Variants in INPP4B observed in about 807,000 individuals in gnomAD.
INPP4B encodes inositol polyphosphate-4-phosphatase type II B.
A neutral mutation model predicts 122.5 loss-of-function variants in INPP4B; 55 were observed. The observed-to-expected ratio is 0.45, with a 90% confidence interval of 0.36 to 0.56. The LOEUF (loss-of-function observed/expected upper bound fraction) is 0.56, where lower values mean the gene tolerates loss of function less well. Ranked by LOEUF, INPP4B falls within the 20% of genes least tolerant of loss-of-function variation. INPP4B has a pLI of 0.00. For synonymous variants in INPP4B, 403 were observed against 388.7 expected (o/e 1.04, Z -0.43); for missense variants, 1,000 against 1,097.7 (o/e 0.91, Z 1.26).
chr4:142,292,364 C>T (rs1284052500), intron 9 of INPP4B, among the ~76,000 whole-genome samples: 2 of 152,142 alleles, frequency 1.3e-5, no homozygotes, highest in Non-Finnish European at 1.5e-5. Flanking sequence ...GTCATAGAAG[C>T]AATTCATTTT....
At chr4:142,532,405 G>C (rs778186794) in intron 2 of INPP4B, among the ~76,000 whole-genome samples, 6 of 152,022 alleles carry the variant, frequency 3.9e-5, no homozygotes, top group African/African-American at 1.2e-4. Flanking sequence ...GTCTCTGGTC[G>C]TTCTGCTTTA....
intron 9 of INPP4B, among the ~76,000 whole-genome samples, chr4:142,271,385 T>G (rs1745744998): frequency 6.6e-6 from 1 of 152,172 alleles, no homozygotes; most frequent in African/African-American, 2.4e-5. Flanking sequence ...CAATACCCCA[T>G]TTGGAACCAT....
At chr4:142,253,635 T>C (rs2636629) in intron 11 of INPP4B, among the ~76,000 whole-genome samples, 116,529 of 152,170 alleles carry the variant, frequency 0.77, 45,738 homozygotes, top group East Asian at 0.93. Context: ...CCGAATACTG[T>C]GCTTTTCCGA....
chr4:142,574,873 T>C (rs1733522937), intron 2 of INPP4B, among the ~76,000 whole-genome samples: 1 of 152,046 alleles, frequency 6.6e-6, no homozygotes, highest in Non-Finnish European at 1.5e-5. Flanking sequence ...TGTGACCCAC[T>C]ATGAATGAAG....
At chr4:142,387,668 G>T (rs145650030) in intron 7 of INPP4B, among the ~76,000 whole-genome samples, 1 of 152,010 alleles carries the variant, frequency 6.6e-6, no homozygotes, top group Non-Finnish European at 1.5e-5. Context: ...TGTGCAAATC[G>T]GTTGGATGAA....
chr4:142,505,391 T>C (rs968561090), intron 2 of INPP4B, among the ~76,000 whole-genome samples: 8 of 152,108 alleles, frequency 5.3e-5, no homozygotes, highest in African/African-American at 1.7e-4. Context: ...TCTCTGGCTA[T>C]GTTTAGGAGA....
rs965044336 is a variant in INPP4B at position 142,025,865 on chromosome 4, C to A, written c.*2917G>T. 2.0e-5 allele frequency: 3 copies of A among 152,056 alleles called. No individual in the cohort carries two copies. The highest frequency in any genetic ancestry group is 4.4e-5 in the Non-Finnish European group (3 of 68,006). The allele number at this position is 152,056 out of a possible 1,614,324, so 9.4% of individuals were successfully genotyped here. On this transcript the variant is annotated 3_prime_UTR_variant, in exon 26 of 26. Transcript: ENST00000262992. Reference sequence around the variant, plus strand: ...TCGACTCACTGAATTATGAGGCTGACCAAACTTATGTTCAGGGATTGTTTT... The same window carrying A: ...TCGACTCACTGAATTATGAGGCTGAACAAACTTATGTTCAGGGATTGTTTT...
intron 25 of INPP4B, among the ~76,000 whole-genome samples, chr4:142,033,668 A>ATTT (rs5862564): frequency 0.011 from 1,404 of 129,456 alleles, 69 homozygotes; most frequent in African/African-American, 0.038. Context: ...TCTCCATTTC[A>ATTT]TTTTTTTTTT....
chr4:142,338,471 C>T lies in INPP4B; in HGVS notation c.373-23709G>A, dbSNP rs1013055371. ...GCTAGGATGGTCTCGATCTCCTGACCTCGTGATCTGCCCGCCTCGGCCTCC... is the reference window on the plus strand; with the variant it reads ...GCTAGGATGGTCTCGATCTCCTGACTTCGTGATCTGCCCGCCTCGGCCTCC... On this transcript the variant is annotated intron_variant, in intron 7 of 25. Coordinates refer to ENST00000262992, the MANE Select transcript of INPP4B (RefSeq NM_001101669.3). 2.0e-5 allele frequency among the ~76,000 whole-genome samples: 3 copies of T among 152,150 alleles called. No individual in the cohort carries two copies. The East Asian group carries it at 5.8e-4, about 29-fold the overall frequency.
At chr4:142,419,128 C>A (rs1294902152) in intron 5 of INPP4B, among the ~76,000 whole-genome samples, 1 of 151,904 alleles carries the variant, frequency 6.6e-6, no homozygotes, top group Non-Finnish European at 1.5e-5. Flanking sequence ...GAGATAGATA[C>A]CATGGGGGAA....
intron 3 of INPP4B, among the ~76,000 whole-genome samples, chr4:142,450,630 G>A (rs1230106611): frequency 2.0e-5 from 3 of 152,176 alleles, no homozygotes; most frequent in East Asian, 3.8e-4. Flanking sequence ...GGACGTTTAT[G>A]TGCCATGCTC....
chr4:142,088,785 A>G (rs1561076659), intron 23 of INPP4B, among the ~76,000 whole-genome samples: 1 of 152,244 alleles, frequency 6.6e-6, no homozygotes, highest in Non-Finnish European at 1.5e-5. Flanking sequence ...AGAACAGTTC[A>G]TTATATCCTG....
intron 2 of INPP4B, among the ~76,000 whole-genome samples, chr4:142,723,534 G>A (rs892586423): frequency 3.3e-5 from 5 of 151,900 alleles, no homozygotes; most frequent in African/African-American, 9.7e-5. Flanking sequence ...ACATTAAAAC[G>A]CTACCTGAAA....
chr4:142,227,874 A>G (rs184348099), intron 12 of INPP4B, among the ~76,000 whole-genome samples: 4,709 of 149,424 alleles, frequency 0.032, 222 homozygotes, highest in African/African-American at 0.11. Flanking sequence ...AAAAAAAAAA[A>G]AAAAAAGAAA....
intron 2 of INPP4B, among the ~76,000 whole-genome samples, chr4:142,693,650 C>T (rs1054226990): frequency 1.3e-5 from 2 of 151,906 alleles, no homozygotes; most frequent in African/African-American, 4.8e-5. Context: ...CTTTTCCTCA[C>T]CTTCTTAACT....
chr4:142,302,136 C>T (rs1228083116), intron 9 of INPP4B, among the ~76,000 whole-genome samples: 1 of 152,040 alleles, frequency 6.6e-6, no homozygotes, highest in Admixed American at 6.6e-5. Flanking sequence ...GATAAGAACA[C>T]GTTCCATAGG....
At chr4:142,253,632 C>T (rs1051846522) in intron 11 of INPP4B, among the ~76,000 whole-genome samples, 2 of 152,206 alleles carry the variant, frequency 1.3e-5, no homozygotes, top group African/African-American at 4.8e-5. Flanking sequence ...CACCCGAATA[C>T]TGTGCTTTTC....
At chr4:142,657,238 T>C (rs927611895) in intron 2 of INPP4B, among the ~76,000 whole-genome samples, 1 of 152,210 alleles carries the variant, frequency 6.6e-6, no homozygotes, top group Non-Finnish European at 1.5e-5. Flanking sequence ...TATCCTTCAG[T>C]TCACATGACT....
chr4:142,517,263 A>G (rs1825529578), intron 2 of INPP4B, among the ~76,000 whole-genome samples: 1 of 152,024 alleles, frequency 6.6e-6, no homozygotes, highest in Non-Finnish European at 1.5e-5. Flanking sequence ...TTATTCTAAT[A>G]ATAGTCATTG....
Sources: allele counts gnomAD v4.1 joint callset (sites outside exome capture counted in the v4.1 genomes callset), GRCh38; gene constraint gnomAD v4.1.1; transcripts MANE v1.5; gene names NCBI Gene and HGNC (gene_info 2026-07-23, HGNC 2026-07-21).